The following MSANTD2 variants were observed in gnomAD, a reference collection of about 807,000 sequenced individuals.
MSANTD2 encodes the protein Myb/SANT DNA binding domain containing 2.
In MSANTD2, 19 loss-of-function variants were observed where a neutral mutation model predicts 52.6. The ratio of observed to expected loss-of-function variants is 0.36; its 90% CI spans 0.25 to 0.53. The LOEUF is 0.53. MSANTD2 is among the 20% of genes least tolerant of loss of function. The pLI is 0.91. For missense variants in MSANTD2, 558 were observed against 716.3 expected, an observed-to-expected ratio of 0.78 and a Z score of 2.52; for synonymous variants, 291 against 289.7, an observed-to-expected ratio of 1.00 and a Z score of -0.04.
rs1165475477 is a variant in MSANTD2, at chr11:124,767,707, A to G, written c.1149T>C (p.Ala383=). ...YKFLEITISE[A]RCLELHMEID... ...TTTCCATGTGCAGCTCCAAGCACCT[A>G]GCTTCGCTAATAGTGATCTCTAAAA... is the stretch of plus-strand genomic sequence containing the variant. Residue 383 remains alanine (A), a synonymous_variant, in exon 4 of 4, where the codon GCT becomes GCC. Transcript: ENST00000374979. This position sits in a 1 kb window ranked among gnomAD's most constrained non-coding sequence, Gnocchi z 6.5. The G allele has an allele frequency of 1.9e-6, 3 of 1,614,264 alleles. No individual in the cohort carries two copies. In the Admixed American group the frequency reaches 5.0e-5, roughly 27 times the overall value.
At chr11:124,785,843 G>T (rs911002066) in intron 1 of MSANTD2, among the ~76,000 whole-genome samples, 2 of 151,164 alleles carry the variant, frequency 1.3e-5, no homozygotes, top group South Asian at 2.1e-4. Flanking sequence ...TTACAGACAA[G>T]AAAATTATTA....
chr11:124,799,774 G>A (rs984377982), intron 1 of MSANTD2, 97 bp downstream of exon 1: 28 of 844,394 alleles, frequency 3.3e-5, no homozygotes, highest in Non-Finnish European at 4.7e-5. Flanking sequence ...GGCCCCGGAG[G>A]AGAGCCCTGC....
At chr11:124,789,976 G>C (rs1328655931) in intron 1 of MSANTD2, 1 of 152,206 alleles carries the variant, frequency 6.6e-6, no homozygotes, top group South Asian at 2.1e-4. Context: ...TTGTTTTAAA[G>C]AGTTCTTTAG....
At chr11:124,796,739 T>A (rs191471421) in intron 1 of MSANTD2, among the ~76,000 whole-genome samples, 4,713 of 152,312 alleles carry the variant, frequency 0.031, 230 homozygotes, top group African/African-American at 0.1. Flanking sequence ...AAGAAGTTCC[T>A]CCTTTTCCTT....
At chr11:124,770,375 T>TG (rs1322693486) in intron 3 of MSANTD2, among the ~76,000 whole-genome samples, 20 of 151,172 alleles carry the variant, frequency 1.3e-4, no homozygotes, top group Admixed American at 4.6e-4. Flanking sequence ...CATGACTCAC[T>TG]GGAGCTTTGA....
At chr11:124,778,005 T>G (rs1293386900) in intron 1 of MSANTD2, among the ~76,000 whole-genome samples, 2 of 152,202 alleles carry the variant, frequency 1.3e-5, no homozygotes, top group African/African-American at 4.8e-5. Flanking sequence ...AAAAAGGAAC[T>G]ATGGAGACCT....
rs535221174 is a variant in MSANTD2, at chr11:124,768,241, G to A, written c.828-213C>T. Reference sequence around the variant, plus strand: ...TGACTAGCAGCTACTGTACTGGGCAGTGTAAGTCTAGACAATCAACCTATT... The same window carrying A: ...TGACTAGCAGCTACTGTACTGGGCAATGTAAGTCTAGACAATCAACCTATT... On this transcript the variant is annotated intron_variant, in intron 3 of 3. Coordinates refer to ENST00000374979, the MANE Select transcript of MSANTD2 (RefSeq NM_001308027.2). Among the ~76,000 whole-genome samples the A allele has an allele frequency of 2.0e-4, 30 of 152,312 alleles. No individual in the cohort carries two copies. In the Middle Eastern group the frequency reaches 0.01, roughly 52 times the overall value.
intron 1 of MSANTD2, chr11:124,791,309 G>A: frequency 7.0e-7 from 1 of 1,438,414 alleles, no homozygotes; most frequent in South Asian, 1.1e-5. Flanking sequence ...TGTGGCTGGA[G>A]GGTCTCCAGG....
At position 124,779,635 on chromosome 11, in the gene MSANTD2, G is replaced by A. The variant is rs1944878364; in HGVS notation, c.511-4661C>T. ...GAAAAATAAAGTCAATCTGCAAGGA[G>A]GACAGCTTAGTTATAATAGCAGGAA... On this transcript the variant is annotated intron_variant, in intron 1 of 3. Coordinates refer to ENST00000374979, the MANE Select transcript of MSANTD2 (RefSeq NM_001308027.2). This position sits in a 1 kb window ranked among gnomAD's most constrained non-coding sequence, Gnocchi z 4.6. Among the ~76,000 whole-genome samples, 1 of 152,150 alleles carries A rather than the reference G, an allele frequency of 6.6e-6. No individual in the cohort carries two copies. Among genetic ancestry groups the A allele is most frequent in the Non-Finnish European group, 1.5e-5 (1 of 68,034 alleles).
At chr11:124,785,305 G>T (rs112953461) in intron 1 of MSANTD2, among the ~76,000 whole-genome samples, 1 of 152,208 alleles carries the variant, frequency 6.6e-6, no homozygotes, top group Non-Finnish European at 1.5e-5. Context: ...CAATTTACAT[G>T]ATCATTCCTA....
chr11:124,785,773 G>A (rs1370774374), intron 1 of MSANTD2, among the ~76,000 whole-genome samples: 1 of 151,204 alleles, frequency 6.6e-6, no homozygotes, highest in Non-Finnish European at 1.5e-5. Context: ...TGTATCTTAT[G>A]TATATATTAC....
At chr11:124,777,326 G>GC (rs768316404) in intron 1 of MSANTD2, among the ~76,000 whole-genome samples, 82 of 152,294 alleles carry the variant, frequency 5.4e-4, no homozygotes, top group Non-Finnish European at 8.7e-4. Context: ...ACACACAAGG[G>GC]CCCAGTTGGC....
chr11:124,799,639 A>G (rs1945619438), intron 1 of MSANTD2, among the ~76,000 whole-genome samples: 1 of 152,244 alleles, frequency 6.6e-6, no homozygotes, highest in African/African-American at 2.4e-5. Context: ...TTGGCAAGAA[A>G]GAGGGGCGGC....
chr11:124,796,087 G>C (rs1362549137), intron 1 of MSANTD2, among the ~76,000 whole-genome samples: 2 of 152,184 alleles, frequency 1.3e-5, no homozygotes, highest in Non-Finnish European at 2.9e-5. Context: ...TGTGTGCTTA[G>C]AAACATGTTC....
chr11:124,793,703 T>C (rs1945401843), intron 1 of MSANTD2, among the ~76,000 whole-genome samples: 1 of 152,204 alleles, frequency 6.6e-6, no homozygotes, highest in African/African-American at 2.4e-5. Flanking sequence ...TGGACAGGGC[T>C]GTCCTAGGGA....
intron 3 of MSANTD2, among the ~76,000 whole-genome samples, chr11:124,770,611 A>T (rs1944479055): frequency 6.6e-6 from 1 of 151,402 alleles, no homozygotes; most frequent in Admixed American, 6.6e-5. Context: ...GTAATAACTC[A>T]CATTTTTTTT....
At chr11:124,791,147 G>C (rs1218313073) in intron 1 of MSANTD2, 12 of 805,958 alleles carry the variant, frequency 1.5e-5, no homozygotes, top group Middle Eastern at 3.4e-4. Context: ...AAGGGGGCTA[G>C]GGACAAAAGG....
At chr11:124,799,835 C>T (rs760635876) in intron 1 of MSANTD2, 36 bp downstream of exon 1, 7 of 1,514,344 alleles carry the variant, frequency 4.6e-6, no homozygotes, top group Admixed American at 1.8e-5. Context: ...TTCTCTCTGC[C>T]TCTGGTTCGC....
chr11:124,769,652 T>C (rs2135228307), intron 3 of MSANTD2, among the ~76,000 whole-genome samples: 1 of 152,304 alleles, frequency 6.6e-6, no homozygotes, highest in East Asian at 1.9e-4. Context: ...ATGCCTGACA[T>C]ATAGTAGGCA....
Sources: gnomAD v4.1 joint callset for allele counts (sites outside exome capture counted in the v4.1 genomes callset) on GRCh38, gnomAD v4.1.1 for gene constraint, Gnocchi (gnomAD v3.1) non-coding constraint, MANE v1.5 for transcripts, NCBI Gene and HGNC (gene_info 2026-07-23, HGNC 2026-07-21) for gene names.